Variants in COL25A1 observed in about 807,000 individuals in gnomAD.
COL25A1 encodes the protein collagen alpha-1(XXV) chain.
A neutral mutation model predicts 128.4 loss-of-function variants in COL25A1; 103 were observed. That is an observed-to-expected ratio of 0.80 (90% CI 0.68 to 0.94). The LOEUF (loss-of-function observed/expected upper bound fraction) is 0.94. COL25A1 is among the 40% of genes least tolerant of loss of function. The pLI is 0.00. For missense variants in COL25A1, 745 were observed against 840.0 expected (o/e 0.89, Z 1.40); for synonymous variants, 279 against 277.2 (o/e 1.01, Z -0.06).
intron 8 of COL25A1, among the ~76,000 whole-genome samples, chr4:108,963,663 C>T (rs28736889): frequency 0.3 from 46,048 of 151,748 alleles, 7,535 homozygotes; most frequent in South Asian, 0.46. Flanking sequence ...TAAAACCTTC[C>T]GTATAGTTTC....
chr4:109,259,700 A>G (rs749358412), intron 3 of COL25A1, among the ~76,000 whole-genome samples: 1 of 152,240 alleles, frequency 6.6e-6, no homozygotes, highest in Non-Finnish European at 1.5e-5. Flanking sequence ...CAATTTAAAC[A>G]TGTAATATAT....
At chr4:108,843,148 C>CAAAA (rs540931971) in intron 30 of COL25A1, among the ~76,000 whole-genome samples, 9 of 88,268 alleles carry the variant, frequency 1.0e-4, no homozygotes, top group African/African-American at 2.7e-4. Context: ...GACCCTGTCT[C>CAAAA]AAAAAAAAAA....
At chr4:109,141,389 A>G (rs997697601) in intron 3 of COL25A1, among the ~76,000 whole-genome samples, 4 of 152,110 alleles carry the variant, frequency 2.6e-5, no homozygotes, top group Admixed American at 1.3e-4. Flanking sequence ...CTGGCCAGAA[A>G]TTTCCTTTTT....
At chr4:108,886,488 G>GTT (rs1413657808) in intron 18 of COL25A1, among the ~76,000 whole-genome samples, 1,092 of 49,442 alleles carry the variant, frequency 0.022, 38 homozygotes, top group South Asian at 0.056. Flanking sequence ...GTGTGTGTGT[G>GTT]TGTGTTTAGC....
chr4:108,960,552 G>A (rs1339817199), intron 8 of COL25A1, among the ~76,000 whole-genome samples: 1 of 152,084 alleles, frequency 6.6e-6, no homozygotes, highest in Non-Finnish European at 1.5e-5. Context: ...AAGAATCAAG[G>A]CTGAAAAATT....
chr4:108,964,027 A>C (rs1362442982), intron 8 of COL25A1, among the ~76,000 whole-genome samples: 1 of 150,920 alleles, frequency 6.6e-6, no homozygotes, highest in Non-Finnish European at 1.5e-5. Context: ...AATTATTTAC[A>C]TATCATATGT....
intron 34 of COL25A1, 98 bp downstream of exon 34, chr4:108,825,098 T>C: frequency 1.1e-6 from 1 of 933,412 alleles, no homozygotes; most frequent in Non-Finnish European, 1.7e-6. Context: ...TGCATACCTA[T>C]ATGCACAGAA....
rs757441726 is a variant in COL25A1, at chr4:108,813,898, A to T, written c.*29T>A. 2.5e-6 allele frequency: 4 copies of T among 1,577,080 alleles called. No homozygotes were observed. Among genetic ancestry groups the T allele is most frequent in the Non-Finnish European group, 3.5e-6 (4 of 1,149,600 alleles). On this transcript the variant is annotated 3_prime_UTR_variant, in exon 38 of 38. Coordinates refer to ENST00000399132, the MANE Select transcript of COL25A1 (RefSeq NM_198721.4). The stretch of plus-strand genomic sequence containing the variant: ...ATATTAAAAATGGACCCTTATATAC[A>T]CAACTTCATGCTTGAAAGGTTAGAT...
At chr4:108,846,475 A>G (rs1735121327) in intron 27 of COL25A1, among the ~76,000 whole-genome samples, 1 of 152,228 alleles carries the variant, frequency 6.6e-6, no homozygotes, top group Non-Finnish European at 1.5e-5. Context: ...AGGTTTTGAC[A>G]TAATTTCTCC....
chr4:109,000,553 C>T (rs1192500401), intron 6 of COL25A1, among the ~76,000 whole-genome samples: 2 of 151,834 alleles, frequency 1.3e-5, no homozygotes, highest in Non-Finnish European at 2.9e-5. Flanking sequence ...TGAGACCAGC[C>T]TGGCCAACAT....
At chr4:108,919,454 A>G (rs999130938) in intron 12 of COL25A1, among the ~76,000 whole-genome samples, 1 of 152,160 alleles carries the variant, frequency 6.6e-6, no homozygotes, top group Non-Finnish European at 1.5e-5. Context: ...ATGGGCTTTT[A>G]CTTGGTTTGT....
At chr4:108,941,015 A>T (rs1056598319) in intron 9 of COL25A1, among the ~76,000 whole-genome samples, 2 of 152,242 alleles carry the variant, frequency 1.3e-5, no homozygotes, top group African/African-American at 4.8e-5. Context: ...ATTTATAGTT[A>T]GACAAATGTG....
At position 108,812,452 on chromosome 4, in the gene COL25A1, A is replaced by G. The variant is rs1730869764; in HGVS notation, c.*1475T>C. On this transcript the variant is annotated 3_prime_UTR_variant, in exon 38 of 38. Coordinates refer to ENST00000399132, the MANE Select transcript of COL25A1 (RefSeq NM_198721.4). Reference sequence around the variant, plus strand: ...TAAAAAAAGTCAAAACTACTTAAAAATGCATAACTTTCATGCTTTACAATG... The same window carrying G: ...TAAAAAAAGTCAAAACTACTTAAAAGTGCATAACTTTCATGCTTTACAATG... The G allele has an allele frequency of 6.6e-6, 1 of 152,204 alleles. No homozygotes were observed. Among genetic ancestry groups the G allele is most frequent in the Non-Finnish European group, 1.5e-5 (1 of 68,026 alleles). 9.4% of individuals were successfully genotyped at this position (152,204 alleles called of 1,614,324 possible). A position where few individuals can be genotyped will look rare whatever the true frequency, so the allele number is the denominator to read the frequency against.
At chr4:108,879,727 G>A (rs200716420) in intron 19 of COL25A1, among the ~76,000 whole-genome samples, 13 of 145,276 alleles carry the variant, frequency 8.9e-5, no homozygotes, top group East Asian at 2.2e-4. Flanking sequence ...GATTACAGGC[G>A]TGAGCCACCG....
At chr4:109,115,615 C>T (rs968783969) in intron 3 of COL25A1, among the ~76,000 whole-genome samples, 1 of 152,016 alleles carries the variant, frequency 6.6e-6, no homozygotes, top group South Asian at 2.1e-4. Flanking sequence ...ATTAAAACCA[C>T]AGGAAGTCAT....
At chr4:108,927,376 T>C (rs1283580976) in intron 11 of COL25A1, among the ~76,000 whole-genome samples, 1 of 152,188 alleles carries the variant, frequency 6.6e-6, no homozygotes, top group Non-Finnish European at 1.5e-5. Flanking sequence ...TAAATAATTA[T>C]TGACTAAATG....
intron 3 of COL25A1, among the ~76,000 whole-genome samples, chr4:109,076,018 T>C (rs1000841416): frequency 1.3e-5 from 2 of 152,228 alleles, no homozygotes; most frequent in East Asian, 1.9e-4. Flanking sequence ...CTAAACAGTA[T>C]AGTATAACAA....
Position 108,967,202 on chromosome 4 carries a change from G to A in COL25A1, c.492+7165C>T, listed in dbSNP as rs189496413. On this transcript the variant is annotated intron_variant, in intron 8 of 37. Coordinates refer to ENST00000399132, the MANE Select transcript of COL25A1 (RefSeq NM_198721.4). ...GTATTTCATAGGGTTGTTGAAATAA[G>A]GTGTGACATCATAGAGTGATTGGCG... Among the ~76,000 whole-genome samples the A allele has an allele frequency of 4.5e-3, 686 of 152,244 alleles. 1 individual carries two copies. Among genetic ancestry groups the A allele is most frequent in the Middle Eastern group, 0.01 (3 of 294 alleles).
chr4:109,109,032 A>C (rs2126035130), intron 3 of COL25A1, among the ~76,000 whole-genome samples: 1 of 152,324 alleles, frequency 6.6e-6, no homozygotes, highest in East Asian at 1.9e-4. Flanking sequence ...ATACACTTTA[A>C]AAAACTGGCA....
Sources: allele counts gnomAD v4.1 joint callset (sites outside exome capture counted in the v4.1 genomes callset), GRCh38; gene constraint gnomAD v4.1.1; transcripts MANE v1.5; gene names NCBI Gene and HGNC (gene_info 2026-07-23, HGNC 2026-07-21).